Variants in B3GALT1 observed in about 807,000 individuals in gnomAD.
B3GALT1 encodes beta-1,3-galactosyltransferase 1.
B3GALT1 carries 10 observed loss-of-function variants against 23.2 expected under a neutral mutation model. That is an observed-to-expected ratio of 0.43 (90% CI 0.27 to 0.73). The LOEUF (loss-of-function observed/expected upper bound fraction) is 0.73, where lower values mean the gene tolerates loss of function less well. Among genes scored for constraint, B3GALT1 ranks in the 30% least tolerant of loss-of-function variants. The pLI, the probability that B3GALT1 is intolerant of heterozygous loss-of-function variation, is 0.21. For missense variants in B3GALT1, 299 were observed against 405.4 expected (o/e 0.74, Z 2.25); for synonymous variants, 156 against 141.5 (o/e 1.10, Z -0.73).
At chr2:167,559,058 C>A (rs536254156) in intron 2 of B3GALT1, among the ~76,000 whole-genome samples, 30 of 152,340 alleles carry the variant, frequency 2.0e-4, no homozygotes, top group African/African-American at 6.7e-4. Context: ...GGAGGCACCC[C>A]CCAGCAGGGG....
chr2:167,805,115 T>A (rs1482280662), intron 3 of B3GALT1, among the ~76,000 whole-genome samples: 2 of 152,260 alleles, frequency 1.3e-5, no homozygotes. Flanking sequence ...TTTGGCTGCA[T>A]AAATGTCTTC....
intron 1 of B3GALT1, among the ~76,000 whole-genome samples, chr2:167,489,710 G>T (rs904674545): frequency 6.6e-6 from 1 of 152,094 alleles, no homozygotes; most frequent in Non-Finnish European, 1.5e-5. Flanking sequence ...AGGCATAGGA[G>T]ATTAGGAACC....
intron 3 of B3GALT1, among the ~76,000 whole-genome samples, chr2:167,744,402 G>A (rs1457331792): frequency 2.6e-5 from 4 of 152,148 alleles, no homozygotes; most frequent in African/African-American, 9.6e-5. Flanking sequence ...ATGTAAGTTT[G>A]CAACTATTAT....
At chr2:167,818,985 C>CTTAT (rs10604682) in intron 4 of B3GALT1, among the ~76,000 whole-genome samples, 192 bp downstream of exon 4, 1 of 151,892 alleles carries the variant, frequency 6.6e-6, no homozygotes, top group African/African-American at 2.4e-5. Flanking sequence ...CCATAAAAGC[C>CTTAT]TTATTTCTTT....
Position 167,830,705 on chromosome 2 carries a change from C to T in B3GALT1, c.-230+11912C>T, listed in dbSNP as rs182655518. On this transcript the variant is annotated intron_variant, in intron 4 of 4. Transcript: ENST00000392690. ...CCAAAAAGTTTGATGTAAAAATAAG[C>T]AAGTGCTTCCTTAACCCGTGTTTTC... Among the ~76,000 whole-genome samples, 82 of 152,332 alleles carry T rather than the reference C, an allele frequency of 5.4e-4. 1 individual carries two copies. The East Asian group carries it at 0.015, about 28-fold the overall frequency.
chr2:167,439,986 C>T (rs1408767995), intron 1 of B3GALT1, among the ~76,000 whole-genome samples: 2 of 152,026 alleles, frequency 1.3e-5, no homozygotes, highest in Non-Finnish European at 2.9e-5. Flanking sequence ...GTTTGCCTTT[C>T]TTTTACCTTT....
chr2:167,851,935 G>A (rs1004827638), intron 4 of B3GALT1, among the ~76,000 whole-genome samples: 2 of 152,152 alleles, frequency 1.3e-5, no homozygotes, highest in Admixed American at 6.5e-5. Context: ...TCTTCACCCT[G>A]CTCCTATTAC....
chr2:167,715,519 G>C (rs1241522341), intron 3 of B3GALT1: 2 of 1,612,624 alleles, frequency 1.2e-6, no homozygotes, highest in Admixed American at 3.3e-5. Context: ...GTGATTTGAG[G>C]GATTTTGACT....
At chr2:167,804,143 C>CCA (rs985209132) in intron 3 of B3GALT1, among the ~76,000 whole-genome samples, 1 of 152,018 alleles carries the variant, frequency 6.6e-6, no homozygotes, top group Non-Finnish European at 1.5e-5. Flanking sequence ...GTGGGCACCA[C>CCA]CACGTCCAGC....
chr2:167,366,748 A>T (rs1219484790), intron 1 of B3GALT1, among the ~76,000 whole-genome samples: 2 of 152,332 alleles, frequency 1.3e-5, no homozygotes, highest in East Asian at 3.9e-4. Context: ...GGATCCACTC[A>T]TAAGGTTATT....
At chr2:167,508,681 G>T (rs1699960026) in intron 2 of B3GALT1, among the ~76,000 whole-genome samples, 1 of 151,768 alleles carries the variant, frequency 6.6e-6, no homozygotes, top group African/African-American at 2.4e-5. Context: ...ACCAAAATGT[G>T]TTAAAAGTAT....
At chr2:167,866,658 G>C (rs1690223896) in intron 4 of B3GALT1, among the ~76,000 whole-genome samples, 1 of 152,158 alleles carries the variant, frequency 6.6e-6, no homozygotes, top group African/African-American at 2.4e-5. Flanking sequence ...TCCATTAACA[G>C]CCTGATTACT....
intron 3 of B3GALT1, among the ~76,000 whole-genome samples, chr2:167,671,565 AAG>A (rs1686326036): frequency 2.0e-5 from 3 of 152,172 alleles, no homozygotes. Context: ...CAATATGTCA[AAG>A]AAGAAGTCAA....
In B3GALT1 at chr2:167,654,356, C is replaced by T. The variant is rs1461688356; in HGVS notation, c.-352+7390C>T. Among the ~76,000 whole-genome samples the T allele has an allele frequency of 5.9e-4, 90 of 152,098 alleles. 2 individuals carry two copies. Among genetic ancestry groups the T allele is most frequent in the Admixed American group, 5.9e-3 (90 of 15,256 alleles). ...CTTCTGCTGACCTCTGAGACTTCACCCTGTGAAATCTCTTCCAGGCTTTCT... is the reference window on the plus strand; with the variant it reads ...CTTCTGCTGACCTCTGAGACTTCACTCTGTGAAATCTCTTCCAGGCTTTCT... On this transcript the variant is annotated intron_variant, in intron 3 of 4. Coordinates refer to ENST00000392690, the MANE Select transcript of B3GALT1 (RefSeq NM_020981.4).
intron 3 of B3GALT1, among the ~76,000 whole-genome samples, chr2:167,692,233 A>G (rs561587549): frequency 6.6e-6 from 1 of 152,212 alleles, no homozygotes; most frequent in Non-Finnish European, 1.5e-5. Context: ...ACATCATATA[A>G]TCCAAAATTA....
At chr2:167,578,424 T>A (rs1254514449) in intron 2 of B3GALT1, among the ~76,000 whole-genome samples, 2 of 151,910 alleles carry the variant, frequency 1.3e-5, no homozygotes, top group African/African-American at 4.8e-5. Flanking sequence ...AATGAGAAAC[T>A]GCACTTCAAA....
At chr2:167,820,607 C>G (rs988279003) in intron 4 of B3GALT1, among the ~76,000 whole-genome samples, 1 of 152,224 alleles carries the variant, frequency 6.6e-6, no homozygotes, top group East Asian at 1.9e-4. Context: ...CTCCGTCCCC[C>G]CAACCCATGG....
At chr2:167,379,455 G>T (rs540848817) in intron 1 of B3GALT1, among the ~76,000 whole-genome samples, 29 of 151,926 alleles carry the variant, frequency 1.9e-4, no homozygotes, top group African/African-American at 6.5e-4. Context: ...ATTCTCTAGG[G>T]GGTGTGACTG....
chr2:167,857,546 A>G (rs1343115717), intron 4 of B3GALT1, among the ~76,000 whole-genome samples: 1 of 152,056 alleles, frequency 6.6e-6, no homozygotes, highest in East Asian at 1.9e-4. Flanking sequence ...GTATCCAGTG[A>G]GAGTGAAGCT....
Sources: allele counts gnomAD v4.1 joint callset (sites outside exome capture counted in the v4.1 genomes callset), GRCh38; gene constraint gnomAD v4.1.1; transcripts MANE v1.5; gene names NCBI Gene and HGNC (gene_info 2026-07-23, HGNC 2026-07-21).